FGF14: variants seen among roughly 807,000 people sequenced by gnomAD.
The protein encoded by FGF14 is fibroblast growth factor homologous factor 4.
A neutral mutation model predicts 25.5 loss-of-function variants in FGF14; 5 were observed. That is an observed-to-expected ratio of 0.20 (90% CI 0.10 to 0.41). The LOEUF (loss-of-function observed/expected upper bound fraction) is 0.41. Ranked by LOEUF, FGF14 falls within the 10% of genes least tolerant of loss-of-function variation. The pLI is 1.00. For synonymous variants in FGF14, 138 were observed against 118.3 expected (o/e 1.17, Z -1.08); for missense variants, 222 against 320.1 (o/e 0.69, Z 2.34).
At chr13:102,081,216 A>C (rs1025186174) in intron 1 of FGF14, among the ~76,000 whole-genome samples, 1 of 152,244 alleles carries the variant, frequency 6.6e-6, no homozygotes, top group African/African-American at 2.4e-5. Flanking sequence ...CCATTCATTC[A>C]GCCAAAGCAT....
intron 1 of FGF14, among the ~76,000 whole-genome samples, chr13:102,297,027 CA>C (rs1335525099): frequency 6.6e-6 from 1 of 152,060 alleles, no homozygotes; most frequent in Non-Finnish European, 1.5e-5. Context: ...AGTAATTTTA[CA>C]GTGGAATAAC....
chr13:101,801,155 T>C (rs983977419), intron 3 of FGF14, among the ~76,000 whole-genome samples: 2 of 152,192 alleles, frequency 1.3e-5, no homozygotes, highest in African/African-American at 4.8e-5. Flanking sequence ...AATAATTCTT[T>C]TCTTCACGTG....
intron 1 of FGF14, among the ~76,000 whole-genome samples, chr13:102,350,974 C>T (rs1466500711): frequency 6.6e-6 from 1 of 152,104 alleles, no homozygotes; most frequent in African/African-American, 2.4e-5. Context: ...GAGGTATCCA[C>T]CACAACACCC....
intron 1 of FGF14, among the ~76,000 whole-genome samples, chr13:102,208,664 G>A (rs1211928761): frequency 2.0e-5 from 3 of 152,128 alleles, no homozygotes; most frequent in East Asian, 1.9e-4. Context: ...TTTTAAATGT[G>A]AGGATTATTA....
At chr13:102,393,776 T>C (rs1483375176) in intron 1 of FGF14, 2 of 152,220 alleles carry the variant, frequency 1.3e-5, no homozygotes, top group Non-Finnish European at 2.9e-5. Flanking sequence ...GTGCCTACAA[T>C]TCCAAAACTG....
intron 1 of FGF14, among the ~76,000 whole-genome samples, chr13:102,271,573 C>T (rs1490523750): frequency 1.3e-5 from 2 of 152,182 alleles, no homozygotes; most frequent in East Asian, 3.8e-4. Context: ...CCTTTGAGTA[C>T]TCGTTCCATC....
chr13:101,840,979 A>G (rs2043166904), intron 3 of FGF14, among the ~76,000 whole-genome samples: 1 of 151,944 alleles, frequency 6.6e-6, no homozygotes, highest in South Asian at 2.1e-4. Flanking sequence ...GAAATTTACA[A>G]TCTCAAGTGT....
intron 1 of FGF14, among the ~76,000 whole-genome samples, chr13:102,039,262 C>T (rs2041617906): frequency 6.6e-6 from 1 of 152,150 alleles, no homozygotes; most frequent in Admixed American, 6.5e-5. Flanking sequence ...AGATAACTTT[C>T]TTTTTCTTTC....
intron 3 of FGF14, among the ~76,000 whole-genome samples, chr13:101,815,043 G>C (rs188590662): frequency 6.6e-6 from 1 of 152,190 alleles, no homozygotes; most frequent in African/African-American, 2.4e-5. Context: ...CTATGCATGC[G>C]CAGAGGGAGC....
chr13:102,026,822 G>A (rs1016127303), intron 1 of FGF14, among the ~76,000 whole-genome samples: 1 of 151,370 alleles, frequency 6.6e-6, no homozygotes, highest in Non-Finnish European at 1.5e-5. Flanking sequence ...TTGTTTTAAA[G>A]GTCACTTTTA....
chr13:102,121,647 A>G (rs958236469), intron 1 of FGF14, among the ~76,000 whole-genome samples: 9 of 152,170 alleles, frequency 5.9e-5, no homozygotes, highest in African/African-American at 2.2e-4. Context: ...ACACCCTTGT[A>G]TTTTGCTGTA....
At chr13:102,099,980 T>C (rs1193859570) in intron 1 of FGF14, among the ~76,000 whole-genome samples, 1 of 152,122 alleles carries the variant, frequency 6.6e-6, no homozygotes, top group East Asian at 1.9e-4. Context: ...ATTAGACTCA[T>C]GTCTTAAATT....
chr13:101,737,588 A>G (rs985030136), intron 3 of FGF14, among the ~76,000 whole-genome samples: 1 of 152,144 alleles, frequency 6.6e-6, no homozygotes, highest in African/African-American at 2.4e-5. Flanking sequence ...GTCTTGAATA[A>G]TTGAATACAA....
chr13:102,105,350 G>A (rs1015063753), intron 1 of FGF14, among the ~76,000 whole-genome samples: 1 of 152,100 alleles, frequency 6.6e-6, no homozygotes, highest in Non-Finnish European at 1.5e-5. Context: ...ATTTTTCCCT[G>A]ATTATTTAAT....
intron 3 of FGF14, among the ~76,000 whole-genome samples, chr13:101,748,992 A>C (rs2037084157): frequency 6.6e-6 from 1 of 152,102 alleles, no homozygotes; most frequent in Admixed American, 6.6e-5. Context: ...TTTAAAAGGA[A>C]GAATTCTGAT....
chr13:101,883,627 A>G (rs892921592), intron 1 of FGF14, among the ~76,000 whole-genome samples: 2 of 151,570 alleles, frequency 1.3e-5, no homozygotes, highest in African/African-American at 2.4e-5. Context: ...AATGATAACA[A>G]TAGTAAGAAT....
intron 1 of FGF14, among the ~76,000 whole-genome samples, chr13:102,241,182 C>G (rs2051579616): frequency 6.6e-6 from 1 of 152,098 alleles, no homozygotes; most frequent in Non-Finnish European, 1.5e-5. Context: ...GAAAGGGGCA[C>G]TCTTGTAGAT....
At chr13:102,197,939 G>A (rs548992174) in intron 1 of FGF14, among the ~76,000 whole-genome samples, 1 of 152,196 alleles carries the variant, frequency 6.6e-6, no homozygotes, top group Non-Finnish European at 1.5e-5. Flanking sequence ...CCAATATTGT[G>A]AAACATGCTG....
chr13:101,983,423 C>T (rs939963248), intron 1 of FGF14, among the ~76,000 whole-genome samples: 3 of 152,054 alleles, frequency 2.0e-5, no homozygotes, highest in Non-Finnish European at 4.4e-5. Context: ...ATCTCAGCCA[C>T]GTATCAAAAG....
Sources: gnomAD v4.1 joint callset for allele counts (sites outside exome capture counted in the v4.1 genomes callset) on GRCh38, gnomAD v4.1.1 for gene constraint, MANE v1.5 for transcripts, NCBI Gene and HGNC (gene_info 2026-07-23, HGNC 2026-07-21) for gene names.